TOM1L2: variants seen among roughly 807,000 people sequenced by gnomAD.
The protein encoded by TOM1L2 is TOM1-like protein 2.
A neutral mutation model predicts 67.9 loss-of-function variants in TOM1L2; 31 were observed. The ratio of observed to expected loss-of-function variants is 0.46; its 90% CI spans 0.34 to 0.62. TOM1L2 has a LOEUF of 0.62. TOM1L2 is among the 20% of genes least tolerant of loss of function. The pLI, the probability that TOM1L2 is intolerant of heterozygous loss-of-function variation, is 0.01. For synonymous variants in TOM1L2, 256 were observed against 254.0 expected, an observed-to-expected ratio of 1.01 and a Z score of -0.07; for missense variants, 606 against 663.5, an observed-to-expected ratio of 0.91 and a Z score of 0.95.
intron 4 of TOM1L2, among the ~76,000 whole-genome samples, chr17:17,886,331 G>A (rs968018136): frequency 2.6e-5 from 4 of 152,258 alleles, no homozygotes; most frequent in Non-Finnish European, 5.9e-5. Flanking sequence ...AAAACTACTG[G>A]ATCAGGACAG....
chr17:17,899,695 G>A (rs956904279), intron 2 of TOM1L2, among the ~76,000 whole-genome samples: 1 of 152,196 alleles, frequency 6.6e-6, no homozygotes, highest in East Asian at 1.9e-4. Context: ...CCCTCAGTCC[G>A]GCTGTGGGCC....
chr17:17,886,875 G>A (rs2038027035), intron 4 of TOM1L2, among the ~76,000 whole-genome samples: 1 of 152,220 alleles, frequency 6.6e-6, no homozygotes, highest in African/African-American at 2.4e-5. Flanking sequence ...GGGCCAATCA[G>A]ATGCTCCTCC....
At chr17:17,849,086 TG>T in intron 13 of TOM1L2, 1 of 569,700 alleles carries the variant, frequency 1.8e-6, no homozygotes, top group Non-Finnish European at 3.1e-6. Context: ...AATTCAAACA[TG>T]TTTTAGGTTT....
intron 1 of TOM1L2, among the ~76,000 whole-genome samples, chr17:17,949,795 G>A (rs1434290374): frequency 6.6e-6 from 1 of 152,224 alleles, no homozygotes; most frequent in Non-Finnish European, 1.5e-5. Context: ...CAGTGGGCAA[G>A]TTTAGGTGGG....
intron 1 of TOM1L2, among the ~76,000 whole-genome samples, chr17:17,955,228 A>G (rs552555707): frequency 6.6e-6 from 1 of 151,708 alleles, no homozygotes; most frequent in East Asian, 1.9e-4. Flanking sequence ...CTCTTCTATC[A>G]TACTCAGCAG....
intron 2 of TOM1L2, among the ~76,000 whole-genome samples, chr17:17,905,554 T>G (rs1363200844): frequency 6.6e-6 from 1 of 152,234 alleles, no homozygotes; most frequent in Non-Finnish European, 1.5e-5. Context: ...TTTTTTCTTT[T>G]TAGAGACAGG....
At chr17:17,912,448 A>C (rs1219850429) in intron 1 of TOM1L2, among the ~76,000 whole-genome samples, 1 of 146,992 alleles carries the variant, frequency 6.8e-6, no homozygotes, top group African/African-American at 2.6e-5. Context: ...TGCCAGGCAG[A>C]GGGTCTCCTC....
intron 1 of TOM1L2, among the ~76,000 whole-genome samples, chr17:17,918,951 C>T (rs1278938851): frequency 6.6e-6 from 1 of 152,142 alleles, no homozygotes; most frequent in Non-Finnish European, 1.5e-5. Flanking sequence ...CCTTCTGAGG[C>T]CCCCAGGTGA....
chr17:17,967,929 T>C lies in TOM1L2; in HGVS notation c.52+4333A>G, dbSNP rs529911007. Among the ~76,000 whole-genome samples the C allele has an allele frequency of 1.4e-4, 21 of 152,232 alleles. No homozygotes were observed. In the East Asian group the frequency reaches 4.0e-3, roughly 29 times the overall value. On this transcript the variant is annotated intron_variant, in intron 1 of 14. Coordinates refer to ENST00000379504, the MANE Select transcript of TOM1L2 (RefSeq NM_001082968.2). Reference sequence around the variant, plus strand: ...TCCAGCTTACTCTCTCCCTAAACCATGCTTTCTACTCAGGAACTGCCCTCC... The same window carrying C: ...TCCAGCTTACTCTCTCCCTAAACCACGCTTTCTACTCAGGAACTGCCCTCC...
At chr17:17,933,864 G>C (rs2040421499) in intron 1 of TOM1L2, among the ~76,000 whole-genome samples, 1 of 152,112 alleles carries the variant, frequency 6.6e-6, no homozygotes, top group Admixed American at 6.6e-5. Context: ...TCCTTCAAAA[G>C]ATGATGATCT....
intron 1 of TOM1L2, among the ~76,000 whole-genome samples, chr17:17,928,406 T>C (rs955865310): frequency 6.6e-6 from 1 of 152,194 alleles, no homozygotes; most frequent in South Asian, 2.1e-4. Context: ...GAAATCGGCA[T>C]AGGAATGCTA....
Position 17,861,862 on chromosome 17 carries a change from G to T in TOM1L2, c.1203-311C>A, listed in dbSNP as rs148341150. ...ATCTCTGAAGCTGAATGTCCAAAGT[G>T]CCCTAATACTCCTCAGAGGGAAGAC... On this transcript the variant is annotated intron_variant, in intron 11 of 14. Coordinates refer to ENST00000379504, the MANE Select transcript of TOM1L2 (RefSeq NM_001082968.2). 1.1e-3 allele frequency: 307 copies of T among 273,178 alleles called. 1 individual carries two copies. Among genetic ancestry groups the T allele is most frequent in the African/African-American group, 6.3e-3 (284 of 45,266 alleles). 16.9% of individuals were successfully genotyped at this position (273,178 alleles called of 1,614,324 possible). A position where few individuals can be genotyped will look rare whatever the true frequency, so the allele number is the denominator to read the frequency against.
At chr17:17,866,461 A>G (rs1335375003) in intron 9 of TOM1L2, 42 bp from the exon 10 acceptor site, 6 of 1,539,516 alleles carry the variant, frequency 3.9e-6, no homozygotes, top group Admixed American at 2.0e-5. Flanking sequence ...AGAACCCTGG[A>G]GTCAGGCTCT....
chr17:17,849,730 C>T (rs1389172344), intron 13 of TOM1L2, among the ~76,000 whole-genome samples: 1 of 152,156 alleles, frequency 6.6e-6, no homozygotes, highest in Non-Finnish European at 1.5e-5. Context: ...CACTGACCTG[C>T]TATGTAGCCT....
At chr17:17,898,300 G>A (rs1282528275) in intron 3 of TOM1L2, among the ~76,000 whole-genome samples, 3 of 152,304 alleles carry the variant, frequency 2.0e-5, no homozygotes, top group Middle Eastern at 6.8e-3. Context: ...TGACAGAAAA[G>A]GGACCCACCC....
intron 1 of TOM1L2, among the ~76,000 whole-genome samples, chr17:17,964,747 C>T (rs1051450811): frequency 6.6e-6 from 1 of 152,056 alleles, no homozygotes; most frequent in Admixed American, 6.5e-5. Flanking sequence ...AAGCAAGACC[C>T]TGTCTCAAAA....
intron 2 of TOM1L2, 38 bp from the exon 3 acceptor site, chr17:17,898,712 C>T: frequency 6.2e-7 from 1 of 1,606,954 alleles, no homozygotes; most frequent in Non-Finnish European, 8.5e-7. Flanking sequence ...TACTTACAAT[C>T]CCACTTGAGG....
At chr17:17,949,040 G>A (rs1421772929) in intron 1 of TOM1L2, among the ~76,000 whole-genome samples, 1 of 152,210 alleles carries the variant, frequency 6.6e-6, no homozygotes. Flanking sequence ...ATAGACCAGA[G>A]AATGGGGAGC....
intron 1 of TOM1L2, among the ~76,000 whole-genome samples, chr17:17,928,949 C>A (rs1255504199): frequency 6.6e-6 from 1 of 152,212 alleles, no homozygotes; most frequent in East Asian, 1.9e-4. Context: ...ATCAAGCAGA[C>A]TTTCTGTCTA....
Sources: allele counts gnomAD v4.1 joint callset (sites outside exome capture counted in the v4.1 genomes callset), GRCh38; gene constraint gnomAD v4.1.1; transcripts MANE v1.5; gene names NCBI Gene and HGNC (gene_info 2026-07-23, HGNC 2026-07-21).